ZMYM2: variants seen among roughly 807,000 people sequenced by gnomAD.
ZMYM2 encodes the protein zinc finger MYM-type containing 2, also known as zinc finger MYM-type protein 2.
Under a neutral mutation model 162.8 loss-of-function variants are expected in ZMYM2, and 56 were observed. The ratio of observed to expected loss-of-function variants is 0.34; its 90% CI spans 0.28 to 0.43. The LOEUF is 0.43. Among genes scored for constraint, ZMYM2 ranks in the 20% least tolerant of loss-of-function variants. The pLI is 1.00. For missense variants in ZMYM2, 1,275 were observed against 1,621.8 expected, an observed-to-expected ratio of 0.79 and a Z score of 3.67; for synonymous variants, 510 against 541.6, an observed-to-expected ratio of 0.94 and a Z score of 0.81.
At chr13:19,942,740 T>G in the ZMYM2 span, among the ~76,000 whole-genome samples, 3 of 152,116 alleles carry the variant, frequency 2.0e-5, no homozygotes, top group East Asian at 5.8e-4. Flanking sequence ...AAAGTAATTT[T>G]TGAAATAGCT....
At chr13:20,005,424 T>C (rs924294512) in intron 5 of ZMYM2, among the ~76,000 whole-genome samples, 185 bp downstream of exon 5, 2 of 150,464 alleles carry the variant, frequency 1.3e-5, no homozygotes, top group Non-Finnish European at 2.9e-5. Flanking sequence ...TATCCTTTTA[T>C]ATAATCTGAT....
chr13:20,032,586 AT>A (rs56851495), intron 10 of ZMYM2, among the ~76,000 whole-genome samples: 13,307 of 116,430 alleles, frequency 0.11, 1,058 homozygotes, highest in African/African-American at 0.23. Context: ...GGATTACATG[AT>A]TTTTTTTCTG....
intron 3 of ZMYM2, 44 bp from the exon 4 acceptor site, chr13:20,002,806 A>G: frequency 1.9e-6 from 3 of 1,592,394 alleles, no homozygotes; most frequent in Non-Finnish European, 2.6e-6. Flanking sequence ...ATGTATAAAC[A>G]AACACTTGTT....
chr13:19,870,156 T>A, the ZMYM2 span, among the ~76,000 whole-genome samples: 36 of 152,130 alleles, frequency 2.4e-4, no homozygotes, highest in African/African-American at 7.2e-4. Flanking sequence ...ACACTGCCTT[T>A]TTTATTTATT....
rs35516773 is a variant in ZMYM2, at chr13:19,993,526, G to C, written c.454G>C (p.Asp152His). The change falls in exon 3 of 25, where the codon GAT (aspartate) becomes CAT (histidine). Residue 152 changes from aspartate (D) to histidine (H), a missense_variant. Around this residue, in one of 10 missense-constraint regions of ZMYM2, gnomAD observed 295 missense variants for 286.7 expected, o/e 1.03. Transcript: ENST00000610343. ...RPPETKNRTN[D>H]VDFSTSSFSR... Reference sequence around the variant, plus strand: ...TCCTGAGACTAAAAACAGAACCAATGATGTGGATTTCTCCACTTCCAGTTT... The same window carrying C: ...TCCTGAGACTAAAAACAGAACCAATCATGTGGATTTCTCCACTTCCAGTTT... 3.6e-3 allele frequency: 5,873 copies of C among 1,613,978 alleles called. 19 individuals are homozygous for C. The highest frequency in any genetic ancestry group is 4.3e-3 in the Non-Finnish European group (5,054 of 1,179,970).
rs1309549318 is a variant in ZMYM2 at position 20,082,758 on chromosome 13, T to TA, written c.3569-19dup. On this transcript the variant is annotated intron_variant, in intron 22 of 24. Transcript: ENST00000610343. ...AAACTTTTATTTATTATAATTCTTT[T>TA]AAAATAGTTCTCTCTATTTAAGGGT... is the stretch of plus-strand genomic sequence containing the variant. The TA allele has an allele frequency of 2.0e-6, 3 of 1,493,052 alleles. No homozygotes were observed. In the East Asian group the frequency reaches 7.4e-5, roughly 37 times the overall value. The allele number at this position is 1,493,052 out of a possible 1,614,324, so 92.5% of individuals were successfully genotyped here.
chr13:19,947,843 T>TGAA, the ZMYM2 span, among the ~76,000 whole-genome samples: 9 of 152,164 alleles, frequency 5.9e-5, no homozygotes, highest in East Asian at 1.7e-3. Flanking sequence ...AACAGCAAAA[T>TGAA]GAAGATGACC....
intron 2 of ZMYM2, among the ~76,000 whole-genome samples, chr13:19,987,769 C>G (rs998949520): frequency 3.3e-5 from 5 of 151,990 alleles, no homozygotes; most frequent in African/African-American, 1.2e-4. Context: ...GCGTGAGCCA[C>G]CGTGCCCAGC....
chr13:20,061,250 C>T lies in ZMYM2; in HGVS notation c.2911+26C>T, dbSNP rs773797615. 16 of 1,605,580 alleles carry T rather than the reference C, an allele frequency of 1.0e-5. No homozygotes were observed. The Admixed American group carries it at 1.7e-4, about 17-fold the overall frequency. ...GTGAGCTACACTAAATTATACCTTG[C>T]GAATAAGTGTTAACATTGGTTATTT... On this transcript the variant is annotated intron_variant, in intron 17 of 24. Coordinates refer to ENST00000610343, the MANE Select transcript of ZMYM2 (RefSeq NM_197968.4).
chr13:20,048,077 A>G (rs568659808), intron 12 of ZMYM2, among the ~76,000 whole-genome samples: 1 of 152,152 alleles, frequency 6.6e-6, no homozygotes, highest in East Asian at 1.9e-4. Context: ...GAGTATCTCT[A>G]TTAAGACCTG....
At chr13:20,007,445 G>A (rs529481596) in intron 6 of ZMYM2, among the ~76,000 whole-genome samples, 104 of 151,864 alleles carry the variant, frequency 6.8e-4, no homozygotes, top group African/African-American at 2.3e-3. Context: ...CCAGGTTAAT[G>A]TTATTTTAAG....
chr13:20,032,167 G>A (rs771178015), intron 10 of ZMYM2, among the ~76,000 whole-genome samples: 18 of 152,010 alleles, frequency 1.2e-4, no homozygotes, highest in Non-Finnish European at 1.9e-4. Flanking sequence ...CACCATGCCC[G>A]GCCATAATTG....
chr13:19,981,130 G>C (rs1957281011), intron 2 of ZMYM2, among the ~76,000 whole-genome samples: 1 of 152,040 alleles, frequency 6.6e-6, no homozygotes, highest in Non-Finnish European at 1.5e-5. Context: ...CAATTAGCTA[G>C]GCATGGCGGC....
rs769320844 is a variant in ZMYM2, at chr13:20,002,817, T to A, written c.848-33T>A. ...TAATATGTATAAACAAACACTTGTT[T>A]CATTATTCTTTCTTGTGCATTTTGT... is the stretch of plus-strand genomic sequence containing the variant. On this transcript the variant is annotated intron_variant, in intron 3 of 24. Transcript: ENST00000610343. The A allele has an allele frequency of 5.0e-6, 8 of 1,597,958 alleles. No individual in the cohort carries two copies. In the African/African-American group the frequency reaches 8.1e-5, roughly 16 times the overall value.
chr13:19,967,684 T>C (rs1422888818), intron 2 of ZMYM2, among the ~76,000 whole-genome samples: 1 of 152,234 alleles, frequency 6.6e-6, no homozygotes, highest in Non-Finnish European at 1.5e-5. Flanking sequence ...ACATCTGAGC[T>C]GTAGTTCAGT....
chr13:19,885,246 C>G, the ZMYM2 span, among the ~76,000 whole-genome samples: 2 of 152,120 alleles, frequency 1.3e-5, no homozygotes, highest in African/African-American at 4.8e-5. Flanking sequence ...TGCATTCCAT[C>G]CTGGGCCACG....
intron 21 of ZMYM2, among the ~76,000 whole-genome samples, chr13:20,069,419 GT>G (rs137951159): frequency 9.1e-4 from 79 of 86,954 alleles, no homozygotes; most frequent in African/African-American, 1.7e-3. Context: ...ACCCTTTAGG[GT>G]TTTTTTTTTG....
chr13:19,875,896 G>A, the ZMYM2 span, among the ~76,000 whole-genome samples: 13 of 152,084 alleles, frequency 8.5e-5, no homozygotes, highest in African/African-American at 2.7e-4. Flanking sequence ...TGGGTGACGT[G>A]AAGGTTCAAT....
intron 7 of ZMYM2, among the ~76,000 whole-genome samples, chr13:20,020,234 C>CT (rs71198951): frequency 0.26 from 35,197 of 137,188 alleles, 5,419 homozygotes; most frequent in Non-Finnish European, 0.34. Context: ...TATTCCTCTT[C>CT]TTTTTTTTTT....
Sources: gnomAD v4.1 joint callset for allele counts (sites outside exome capture counted in the v4.1 genomes callset) on GRCh38, gnomAD v4.1.1 for gene constraint, gnomAD v4.1.1 regional missense constraint, MANE v1.5 for transcripts, NCBI Gene and HGNC (gene_info 2026-07-23, HGNC 2026-07-21) for gene names.